AKAP19: variants seen among roughly 807,000 people sequenced by gnomAD.
AKAP19 encodes the protein A-kinase anchoring protein 19.
At chr2:190,006,480 T>C in the AKAP19 span, among the ~76,000 whole-genome samples, 2 of 151,134 alleles carry the variant, frequency 1.3e-5, no homozygotes, top group East Asian at 3.9e-4. Context: ...ATCCCGTCTC[T>C]ACTAAAAATA....
the AKAP19 span, among the ~76,000 whole-genome samples, chr2:190,141,806 G>A: frequency 2.0e-5 from 3 of 152,156 alleles, no homozygotes; most frequent in Non-Finnish European, 2.9e-5. Flanking sequence ...TATGATACCC[G>A]GTTTTTGAGA....
chr2:190,114,425 TTAGC>T, the AKAP19 span, among the ~76,000 whole-genome samples: 4 of 151,364 alleles, frequency 2.6e-5, no homozygotes, highest in Admixed American at 2.6e-4. Flanking sequence ...AAATTATAGT[TTAGC>T]TAGAAAAGAA....
the AKAP19 span, among the ~76,000 whole-genome samples, chr2:190,186,925 C>T: frequency 3.3e-5 from 5 of 152,076 alleles, no homozygotes; most frequent in African/African-American, 1.2e-4. The surrounding 1 kb of genome is among the most constrained non-coding windows in gnomAD (Gnocchi z 5.5). Flanking sequence ...CTGCAACTTC[C>T]GCCTCCCAGG....
At chr2:189,886,297 GA>G in the AKAP19 span, among the ~76,000 whole-genome samples, 847 of 152,178 alleles carry the variant, frequency 5.6e-3, 12 homozygotes, top group African/African-American at 0.02. Flanking sequence ...ATACTTTATT[GA>G]ACATTAGCTT....
the AKAP19 span, among the ~76,000 whole-genome samples, chr2:190,175,487 C>A: frequency 6.6e-6 from 1 of 152,186 alleles, no homozygotes; most frequent in Admixed American, 6.5e-5. Context: ...GCATTAAACT[C>A]TTATTTGGAA....
chr2:189,894,366 C>A, the AKAP19 span, among the ~76,000 whole-genome samples: 1 of 152,074 alleles, frequency 6.6e-6, no homozygotes, highest in Non-Finnish European at 1.5e-5. Context: ...GAATGGATAT[C>A]TGAAGTTGTT....
the AKAP19 span, among the ~76,000 whole-genome samples, chr2:190,029,328 A>G: frequency 6.6e-6 from 1 of 152,162 alleles, no homozygotes; most frequent in African/African-American, 2.4e-5. Flanking sequence ...CAGGGATTAC[A>G]GGCATGAGGC....
the AKAP19 span, among the ~76,000 whole-genome samples, chr2:190,010,285 A>C: frequency 6.6e-6 from 1 of 152,326 alleles, no homozygotes; most frequent in East Asian, 1.9e-4. Flanking sequence ...TGCAGAAAAC[A>C]ATTTGTGGAA....
chr2:189,911,916 T>C, the AKAP19 span, among the ~76,000 whole-genome samples: 1 of 152,056 alleles, frequency 6.6e-6, no homozygotes, highest in African/African-American at 2.4e-5. Flanking sequence ...ACCTCAATTG[T>C]TTCTTTTAAT....
At chr2:190,074,578 G>C in the AKAP19 span, among the ~76,000 whole-genome samples, 4 of 152,056 alleles carry the variant, frequency 2.6e-5, 1 homozygote, top group East Asian at 5.8e-4. Context: ...TTAAACCCGG[G>C]AGTTGGAAGT....
At chr2:190,163,476 C>T in the AKAP19 span, among the ~76,000 whole-genome samples, 1 of 151,140 alleles carries the variant, frequency 6.6e-6, no homozygotes, top group Non-Finnish European at 1.5e-5. Flanking sequence ...AAAACTGAGT[C>T]TTGCCCTGTG....
At chr2:190,199,080 T>C in the AKAP19 span, among the ~76,000 whole-genome samples, 3 of 152,322 alleles carry the variant, frequency 2.0e-5, no homozygotes, top group East Asian at 1.9e-4. Flanking sequence ...ACTCTTTGAG[T>C]TGTAAATATG....
At chr2:190,099,879 C>G in the AKAP19 span, among the ~76,000 whole-genome samples, 1 of 152,162 alleles carries the variant, frequency 6.6e-6, no homozygotes, top group African/African-American at 2.4e-5. Context: ...ATGGCTAAAA[C>G]TTCTTTAGGT....
chr2:190,043,961 T>C, the AKAP19 span, among the ~76,000 whole-genome samples: 3 of 152,288 alleles, frequency 2.0e-5, no homozygotes, highest in East Asian at 3.9e-4. Flanking sequence ...AATATGTTAG[T>C]GAGGTATTTT....
chr2:189,981,289 T>TG, the AKAP19 span, among the ~76,000 whole-genome samples: 1 of 151,376 alleles, frequency 6.6e-6, no homozygotes, highest in Non-Finnish European at 1.5e-5. Context: ...TTTTTTTTTT[T>TG]TTGCTGTTGT....
At chr2:189,991,581 T>C in the AKAP19 span, among the ~76,000 whole-genome samples, 1 of 152,204 alleles carries the variant, frequency 6.6e-6, no homozygotes, top group Admixed American at 6.5e-5. Flanking sequence ...GAATTCTTTA[T>C]AGATTCTGGT....
At chr2:190,057,456 A>T in the AKAP19 span, 1 of 1,613,584 alleles carries the variant, frequency 6.2e-7, no homozygotes, top group East Asian at 2.2e-5. Context: ...CACACTCTCC[A>T]GAGCAGTAAT....
chr2:190,025,336 C>T, the AKAP19 span, among the ~76,000 whole-genome samples: 30,922 of 152,130 alleles, frequency 0.2, 3,379 homozygotes, highest in African/African-American at 0.29. Flanking sequence ...TTCAGATCCT[C>T]ATCTCCTCTG....
chr2:190,090,627 T>C, the AKAP19 span, among the ~76,000 whole-genome samples: 1 of 152,206 alleles, frequency 6.6e-6, no homozygotes, highest in Non-Finnish European at 1.5e-5. Flanking sequence ...ACTGATCACG[T>C]GTCTTTGAGT....
Sources: allele counts gnomAD v4.1 joint callset (sites outside exome capture counted in the v4.1 genomes callset), GRCh38; gene constraint gnomAD v4.1.1; non-coding constraint Gnocchi (gnomAD v3.1); transcripts MANE v1.5; gene names NCBI Gene and HGNC (gene_info 2026-07-23, HGNC 2026-07-21).